The following PRKG1 variants were observed in gnomAD, a reference collection of about 807,000 sequenced individuals.
PRKG1 encodes protein kinase cGMP-dependent 1.
A neutral mutation model predicts 88.1 loss-of-function variants in PRKG1; 35 were observed. That is an observed-to-expected ratio of 0.40 (90% CI 0.30 to 0.53). PRKG1 has a LOEUF of 0.53. Ranked by LOEUF, PRKG1 falls within the 20% of genes least tolerant of loss-of-function variation. The probability of loss-of-function intolerance (pLI) is 0.59; values close to 1 mark genes in which losing one functional copy is unlikely to be tolerated. For synonymous variants in PRKG1, 303 were observed against 292.5 expected (o/e 1.04, Z -0.37); for missense variants, 540 against 839.8 (o/e 0.64, Z 4.41).
chr10:51,448,723 T>A (rs1839347888), intron 2 of PRKG1, among the ~76,000 whole-genome samples: 1 of 152,016 alleles, frequency 6.6e-6, no homozygotes, highest in Non-Finnish European at 1.5e-5. Context: ...TTGGGAGGTC[T>A]GGACACAGGT....
At chr10:51,770,693 T>C (rs1838281704) in intron 3 of PRKG1, among the ~76,000 whole-genome samples, 1 of 152,152 alleles carries the variant, frequency 6.6e-6, no homozygotes, top group South Asian at 2.1e-4. Flanking sequence ...TTGTGCACTC[T>C]TTAAGAGAGT....
At chr10:51,222,113 G>C (rs990905986) in intron 2 of PRKG1, among the ~76,000 whole-genome samples, 1 of 133,544 alleles carries the variant, frequency 7.5e-6, no homozygotes, top group Non-Finnish European at 1.5e-5. Flanking sequence ...CTGGCCTCAC[G>C]TGATCCGCGC....
At chr10:51,621,011 A>ATATATT in intron 3 of PRKG1, among the ~76,000 whole-genome samples, 1 of 122,714 alleles carries the variant, frequency 8.1e-6, no homozygotes, top group Admixed American at 9.1e-5. Context: ...ATATGTGTGT[A>ATATATT]TATATATATA....
At chr10:51,359,893 C>T (rs1220726703) in intron 2 of PRKG1, among the ~76,000 whole-genome samples, 6 of 151,838 alleles carry the variant, frequency 4.0e-5, no homozygotes, top group Non-Finnish European at 7.4e-5. Context: ...AATTCTGGGC[C>T]AGAGAGCTAG....
chr10:51,632,323 C>T (rs185275056), intron 3 of PRKG1, among the ~76,000 whole-genome samples: 52 of 152,096 alleles, frequency 3.4e-4, no homozygotes, highest in African/African-American at 1.1e-3. Context: ...GGGGATGCAA[C>T]GGGAAAAATG....
intron 1 of PRKG1, among the ~76,000 whole-genome samples, chr10:51,019,408 T>C (rs1342161585): frequency 1.3e-5 from 2 of 152,112 alleles, no homozygotes; most frequent in Admixed American, 1.3e-4. Flanking sequence ...GACAATCTTT[T>C]CAAACAAATG....
chr10:52,187,407 TAA>T lies in PRKG1; in HGVS notation c.1076+25453_1076+25454del, dbSNP rs543205745. Among the ~76,000 whole-genome samples, 532 of 150,180 alleles carry T rather than the reference TAA, an allele frequency of 3.5e-3. 3 individuals are homozygous for T. The highest frequency in any genetic ancestry group is 0.012 in the African/African-American group (502 of 40,974). On this transcript the variant is annotated intron_variant, in intron 9 of 17. Transcript: ENST00000373980. ...CAGAAAACACAAAAGAGATTTTAGG[TAA>T]AAAAAAAATTTATAATAGAAGACTG...
chr10:51,863,010 A>G (rs1840924644), intron 4 of PRKG1, among the ~76,000 whole-genome samples: 1 of 152,102 alleles, frequency 6.6e-6, no homozygotes, highest in Non-Finnish European at 1.5e-5. Flanking sequence ...ATTTGGAGGG[A>G]TCCGAGAATA....
intron 4 of PRKG1, among the ~76,000 whole-genome samples, chr10:51,894,425 A>G (rs992491244): frequency 1.3e-5 from 2 of 152,208 alleles, no homozygotes; most frequent in African/African-American, 2.4e-5. Flanking sequence ...TAACAGGTAC[A>G]CAATTTCAGC....
At chr10:51,975,468 G>A (rs2133098226) in intron 5 of PRKG1, among the ~76,000 whole-genome samples, 1 of 152,184 alleles carries the variant, frequency 6.6e-6, no homozygotes, top group Non-Finnish European at 1.5e-5. Flanking sequence ...GAGTTGCATT[G>A]TATCATGCTG....
At chr10:51,656,916 T>A (rs572989072) in intron 3 of PRKG1, among the ~76,000 whole-genome samples, 4 of 152,288 alleles carry the variant, frequency 2.6e-5, no homozygotes, top group Non-Finnish European at 5.9e-5. Context: ...GAAAGCTTCG[T>A]GACTATGAAT....
intron 4 of PRKG1, among the ~76,000 whole-genome samples, chr10:51,850,499 A>G (rs575502915): frequency 2.0e-5 from 3 of 151,382 alleles, no homozygotes; most frequent in East Asian, 3.9e-4. Flanking sequence ...TTATATATAT[A>G]TATATGTATA....
At chr10:51,538,635 C>A in intron 3 of PRKG1, among the ~76,000 whole-genome samples, 1 of 149,950 alleles carries the variant, frequency 6.7e-6, no homozygotes. Flanking sequence ...AATGTTAACC[C>A]TACACATAGT....
intron 3 of PRKG1, among the ~76,000 whole-genome samples, chr10:51,769,983 T>G (rs1461088442): frequency 6.6e-6 from 1 of 152,260 alleles, no homozygotes; most frequent in Non-Finnish European, 1.5e-5. Flanking sequence ...TGTACAACCT[T>G]GTTGAAATCC....
At chr10:51,773,437 A>G (rs1350059015) in intron 3 of PRKG1, among the ~76,000 whole-genome samples, 1 of 151,994 alleles carries the variant, frequency 6.6e-6, no homozygotes, top group African/African-American at 2.4e-5. Context: ...TGCATCAGGG[A>G]TGCTCTGGGA....
intron 1 of PRKG1, among the ~76,000 whole-genome samples, chr10:51,082,750 G>C (rs995860575): frequency 2.6e-5 from 4 of 151,894 alleles, no homozygotes; most frequent in Non-Finnish European, 5.9e-5. Flanking sequence ...TGTACGTGTA[G>C]ACAAATTGTA....
intron 4 of PRKG1, among the ~76,000 whole-genome samples, chr10:51,891,641 G>A (rs1417907816): frequency 1.3e-5 from 2 of 152,162 alleles, no homozygotes; most frequent in African/African-American, 4.8e-5. Context: ...GCCTAGGACT[G>A]CGGTTGGAAA....
At chr10:52,127,905 A>G in intron 7 of PRKG1, 1 of 577,790 alleles carries the variant, frequency 1.7e-6, no homozygotes, top group Non-Finnish European at 2.2e-6. Flanking sequence ...TTTTCCTTAA[A>G]GCACATTTAT....
chr10:51,812,488 C>T (rs752910296), intron 4 of PRKG1, among the ~76,000 whole-genome samples: 6 of 152,140 alleles, frequency 3.9e-5, no homozygotes, highest in African/African-American at 9.7e-5. Context: ...TGCATCTCAT[C>T]GATTTGCTAA....
Sources: gnomAD v4.1 joint callset for allele counts (sites outside exome capture counted in the v4.1 genomes callset) on GRCh38, gnomAD v4.1.1 for gene constraint, MANE v1.5 for transcripts, NCBI Gene and HGNC (gene_info 2026-07-23, HGNC 2026-07-21) for gene names.